PWWP2B: variants seen among roughly 807,000 people sequenced by gnomAD.
The protein encoded by PWWP2B is PWWP domain-containing protein 2B.
Under a neutral mutation model 15.5 loss-of-function variants are expected in PWWP2B, and 9 were observed. The observed-to-expected ratio is 0.58, with a 90% confidence interval of 0.35 to 1.02. The LOEUF is 1.02. Ranked by LOEUF, PWWP2B falls within the 50% of genes least tolerant of loss-of-function variation. The pLI, the probability that PWWP2B is intolerant of heterozygous loss-of-function variation, is 0.02. For synonymous variants in PWWP2B, 474 were observed against 403.6 expected, an observed-to-expected ratio of 1.17 and a Z score of -2.09; for missense variants, 864 against 865.3, an observed-to-expected ratio of 1.00 and a Z score of 0.02.
chr10:132,404,562 C>A, intron 1 of PWWP2B, 64 bp from the exon 2 acceptor site: 1 of 1,420,254 alleles, frequency 7.0e-7, no homozygotes, highest in African/African-American at 1.4e-5. Context: ...GCTCTGGGGG[C>A]TGGTGCGGGT....
chr10:132,404,831 G>A lies in PWWP2B; in HGVS notation c.331G>A (p.Ala111Thr), dbSNP rs763902882. 6.7e-5 allele frequency: 55 copies of A among 817,934 alleles called. No homozygotes were observed. Among genetic ancestry groups the A allele is most frequent in the African/African-American group, 8.6e-5 (4 of 46,766 alleles). 50.7% of individuals were successfully genotyped at this position (817,934 alleles called of 1,614,324 possible). ...PPPPLVPPLP[A>T]GSLPPYPPYF... ...CCCGCCCCTCGTGCCGCCGCTGCCC[G>A]CCGGAAGCCTGCCCCCGTACCCTCC... is the stretch of plus-strand genomic sequence containing the variant. Residue 111 changes from alanine to threonine, a missense_variant, in exon 2 of 3, where the codon GCC (alanine) becomes ACC (threonine). Coordinates refer to ENST00000305233, the MANE Select transcript of PWWP2B (RefSeq NM_138499.4).
chr10:132,401,694 G>A (rs1301043911), intron 1 of PWWP2B, among the ~76,000 whole-genome samples: 1 of 152,258 alleles, frequency 6.6e-6, no homozygotes, highest in African/African-American at 2.4e-5. Flanking sequence ...CGCCGTCCCC[G>A]TGCCTGGAGA....
intron 2 of PWWP2B, among the ~76,000 whole-genome samples, chr10:132,416,103 T>C (rs892723174): frequency 6.6e-6 from 1 of 152,138 alleles, no homozygotes; most frequent in Non-Finnish European, 1.5e-5. Context: ...AGGGCAGCAC[T>C]GGAAGTGGCA....
chr10:132,407,487 G>A (rs914972726), intron 2 of PWWP2B, among the ~76,000 whole-genome samples: 1 of 152,072 alleles, frequency 6.6e-6, no homozygotes, highest in East Asian at 1.9e-4. Context: ...TGTTGGGGGC[G>A]GGGACTGGAG....
chr10:132,406,354 T>C, intron 2 of PWWP2B, 65 bp downstream of exon 2: 1 of 1,366,580 alleles, frequency 7.3e-7, no homozygotes, highest in Non-Finnish European at 9.9e-7. Context: ...GTCCAGGCCA[T>C]GCCTCTGCTC....
chr10:132,397,252 T>G lies in PWWP2B; in HGVS notation c.26T>G (p.Leu9Arg). Residue 9 changes from leucine (L) to arginine (R), a missense_variant, in exon 1 of 3, where the codon CTG (leucine) becomes CGG (arginine). This residue lies in a region of PWWP2B where 736 missense variants were observed against 687.7 expected (regional missense o/e 1.07). Coordinates refer to ENST00000305233, the MANE Select transcript of PWWP2B (RefSeq NM_138499.4). The part of the protein sequence containing the change: MEPRAGCR[L>R]PVRVEQVVNG... ...ATGGAGCCGCGCGCCGGCTGCCGGCTGCCGGTGCGGGTGGAGCAGGTCGTC... is the reference window on the plus strand; with the variant it reads ...ATGGAGCCGCGCGCCGGCTGCCGGCGGCCGGTGCGGGTGGAGCAGGTCGTC... The G allele has an allele frequency of 7.7e-7, 1 of 1,292,442 alleles. No homozygotes were observed. The highest frequency in any genetic ancestry group is 9.9e-7 in the Non-Finnish European group (1 of 1,011,990). The allele number at this position is 1,292,442 out of a possible 1,614,324, so 80.1% of individuals were successfully genotyped here.
chr10:132,416,264 T>G (rs1253512705), intron 2 of PWWP2B, among the ~76,000 whole-genome samples: 8 of 151,904 alleles, frequency 5.3e-5, no homozygotes, highest in African/African-American at 1.7e-4. Context: ...GGGGCTGGCG[T>G]GGCCCCGTGC....
At chr10:132,410,651 G>A (rs927329352) in intron 2 of PWWP2B, among the ~76,000 whole-genome samples, 1 of 152,178 alleles carries the variant, frequency 6.6e-6, no homozygotes, top group Non-Finnish European at 1.5e-5. Context: ...CCTGGGAGCC[G>A]TGAGGGCCAA....
intron 1 of PWWP2B, among the ~76,000 whole-genome samples, chr10:132,402,342 G>A (rs2069625495): frequency 6.6e-6 from 1 of 152,254 alleles, no homozygotes; most frequent in African/African-American, 2.4e-5. Flanking sequence ...CCGTCCTCTG[G>A]CAGGGATGCT....
In PWWP2B at chr10:132,411,113, C is replaced by T. The variant is rs1158733688; in HGVS notation, c.*16+4824C>T. 5.3e-5 allele frequency among the ~76,000 whole-genome samples: 8 copies of T among 152,310 alleles called. No individual in the cohort carries two copies. The East Asian group carries it at 5.8e-4, about 11-fold the overall frequency. On this transcript the variant is annotated intron_variant, in intron 2 of 2. Coordinates refer to ENST00000305233, the MANE Select transcript of PWWP2B (RefSeq NM_138499.4). Reference sequence around the variant, plus strand: ...CTGAGACCACAGGCGTTTATTCCCACGCCTCTGGGGGTCAGGAGCTTGAGT... The same window carrying T: ...CTGAGACCACAGGCGTTTATTCCCATGCCTCTGGGGGTCAGGAGCTTGAGT...
intron 1 of PWWP2B, among the ~76,000 whole-genome samples, chr10:132,401,921 GCTGTTCCCACCCTGTT>G (rs72294080): frequency 0.024 from 3,616 of 152,330 alleles, 136 homozygotes; most frequent in African/African-American, 0.082. Flanking sequence ...TGCGGAGTGA[GCTGTTCCCACCCTGTT>G]CTGTTCCCAC....
Position 132,405,317 on chromosome 10 carries a change from G to T in PWWP2B, c.817G>T (p.Val273Leu). The change falls in exon 2 of 3, where the codon GTG (valine) becomes TTG (leucine). Residue 273 changes from valine (V) to leucine (L), a missense_variant. Coordinates refer to ENST00000305233, the MANE Select transcript of PWWP2B (RefSeq NM_138499.4). ...KGEVVKIPSR[V>L]HGSLEPFRPQ... ...AGAGGTGGTCAAGATCCCCTCCCGCGTGCACGGCTCTCTGGAGCCCTTCCG... is the reference window on the plus strand; with the variant it reads ...AGAGGTGGTCAAGATCCCCTCCCGCTTGCACGGCTCTCTGGAGCCCTTCCG... 1 of 1,612,190 alleles carries T rather than the reference G, an allele frequency of 6.2e-7. No homozygotes were observed. Among genetic ancestry groups the T allele is most frequent in the Non-Finnish European group, 8.5e-7 (1 of 1,179,710 alleles).
At chr10:132,415,710 TC>T (rs375348161) in intron 2 of PWWP2B, among the ~76,000 whole-genome samples, 1,500 of 121,386 alleles carry the variant, frequency 0.012, 26 homozygotes, top group African/African-American at 0.049. Context: ...CTCACACACA[TC>T]CACTCACACA....
intron 2 of PWWP2B, among the ~76,000 whole-genome samples, chr10:132,408,621 C>T (rs552368451): frequency 1.3e-5 from 2 of 152,322 alleles, no homozygotes; most frequent in South Asian, 2.1e-4. Flanking sequence ...TGCAGCTGCC[C>T]GAGGATGAGG....
At chr10:132,400,434 G>A (rs1286283960) in intron 1 of PWWP2B, among the ~76,000 whole-genome samples, 5 of 152,146 alleles carry the variant, frequency 3.3e-5, no homozygotes, top group Non-Finnish European at 5.9e-5. Flanking sequence ...GGGGCCGGCC[G>A]TGGCCACCTG....
chr10:132,410,349 C>G (rs954326980), intron 2 of PWWP2B, among the ~76,000 whole-genome samples: 4 of 152,088 alleles, frequency 2.6e-5, no homozygotes, highest in African/African-American at 9.7e-5. Flanking sequence ...GGGACCTGGG[C>G]CAGGACAATG....
At chr10:132,410,764 C>T (rs2069768237) in intron 2 of PWWP2B, among the ~76,000 whole-genome samples, 1 of 152,198 alleles carries the variant, frequency 6.6e-6, no homozygotes, top group South Asian at 2.1e-4. Flanking sequence ...CCGTGCTCCA[C>T]CGACGTGCGG....
In PWWP2B at chr10:132,404,869, C is replaced by T. The variant is rs1329361361; in HGVS notation, c.369C>T (p.Gly123=). The T allele has an allele frequency of 3.8e-6, 6 of 1,590,768 alleles. No homozygotes were observed. The highest frequency in any genetic ancestry group is 5.1e-6 in the Non-Finnish European group (6 of 1,175,608). ...CCCCGTACCCTCCCTACTTCGAAGG[C>T]GCCCCCTTCCCTCACCCGCTGTGGC... is the stretch of plus-strand genomic sequence containing the variant. ...SLPPYPPYFE[G]APFPHPLWLR... The change falls in exon 2 of 3, where the codon GGC becomes GGT. Residue 123 remains glycine (G), a synonymous_variant. Coordinates refer to ENST00000305233, the MANE Select transcript of PWWP2B (RefSeq NM_138499.4).
chr10:132,415,539 ACT>A (rs199930321), intron 2 of PWWP2B, among the ~76,000 whole-genome samples: 1,645 of 146,336 alleles, frequency 0.011, 31 homozygotes, highest in African/African-American at 0.036. Flanking sequence ...ACACACACGC[ACT>A]CTCACACACA....
Sources: allele counts gnomAD v4.1 joint callset (sites outside exome capture counted in the v4.1 genomes callset), GRCh38; gene constraint gnomAD v4.1.1; regional missense constraint gnomAD v4.1.1; transcripts MANE v1.5; gene names NCBI Gene and HGNC (gene_info 2026-07-23, HGNC 2026-07-21).